Variants in USPL1 observed in about 807,000 individuals in gnomAD.
USPL1 encodes ubiquitin specific peptidase like 1.
USPL1 carries 27 observed loss-of-function variants against 51.5 expected under a neutral mutation model. That is an observed-to-expected ratio of 0.52 (90% CI 0.39 to 0.72). The LOEUF is 0.72. USPL1 is among the 30% of genes least tolerant of loss of function. USPL1 has a pLI of 0.00. For synonymous variants in USPL1, 451 were observed against 459.6 expected, an observed-to-expected ratio of 0.98 and a Z score of 0.24; for missense variants, 1,226 against 1,268.0, an observed-to-expected ratio of 0.97 and a Z score of 0.50.
chr13:30,633,541 C>T (rs780786696), intron 4 of USPL1, among the ~76,000 whole-genome samples: 1 of 151,882 alleles, frequency 6.6e-6, no homozygotes, highest in East Asian at 1.9e-4. Flanking sequence ...GAAGCTGAAG[C>T]GGGCAGATCT....
intron 1 of USPL1, among the ~76,000 whole-genome samples, chr13:30,619,642 T>C (rs1950622860): frequency 6.6e-6 from 1 of 152,198 alleles, no homozygotes; most frequent in African/African-American, 2.4e-5. Context: ...TGTCAGGTGC[T>C]AAACTTTTTA....
Position 30,658,478 on chromosome 13 carries a change from A to G in USPL1, c.2401A>G (p.Thr801Ala). 1 of 1,613,886 alleles carries G rather than the reference A, an allele frequency of 6.2e-7. No individual in the cohort carries two copies. The highest frequency in any genetic ancestry group is 8.5e-7 in the Non-Finnish European group (1 of 1,180,042). The change falls in exon 9 of 9, where the codon ACT (threonine) becomes GCT (alanine). Residue 801 changes from threonine (T) to alanine (A), a missense_variant. By Grantham distance (58) the Thr-to-Ala change is moderately conservative. Transcript: ENST00000255304. ...KGVNNFGGFK[T>A]KGINQKASHV... ...GGTAAATAATTTTGGTGGCTTTAAAACTAAAGGTATAAACCAGAAGGCCAG... is the reference window on the plus strand; with the variant it reads ...GGTAAATAATTTTGGTGGCTTTAAAGCTAAAGGTATAAACCAGAAGGCCAG...
In USPL1 at chr13:30,653,240, A is replaced by C; in HGVS notation, c.1331A>C (p.Gln444Pro). 1 of 1,612,780 alleles carries C rather than the reference A, an allele frequency of 6.2e-7. No individual in the cohort carries two copies. The highest frequency in any genetic ancestry group is 8.5e-7 in the Non-Finnish European group (1 of 1,179,124). Reference sequence around the variant, plus strand: ...TTTCATTTTGAAGGCTGTCTTTATCAGATAACTTCTGTAATTCAGTATCGA... The same window carrying C: ...TTTCATTTTGAAGGCTGTCTTTATCCGATAACTTCTGTAATTCAGTATCGA... ...YAFHFEGCLY[Q>P]ITSVIQYRAN... The change falls in exon 8 of 9, where the codon CAG becomes CCG. Residue 444 changes from glutamine to proline, a missense_variant. Coordinates refer to ENST00000255304, the MANE Select transcript of USPL1 (RefSeq NM_005800.5).
At chr13:30,635,828 T>C (rs1257794065) in intron 4 of USPL1, among the ~76,000 whole-genome samples, 1 of 152,224 alleles carries the variant, frequency 6.6e-6, no homozygotes, top group African/African-American at 2.4e-5. Context: ...AATATCCATA[T>C]ATCTTTTGAA....
chr13:30,622,122 C>A lies in USPL1; in HGVS notation c.228+230C>A, dbSNP rs139904487. Among the ~76,000 whole-genome samples, 674 of 152,090 alleles carry A rather than the reference C, an allele frequency of 4.4e-3. 3 individuals carry two copies. Among genetic ancestry groups the A allele is most frequent in the Non-Finnish European group, 7.5e-3 (510 of 67,954 alleles). On this transcript the variant is annotated intron_variant, in intron 3 of 8. Transcript: ENST00000255304. The stretch of plus-strand genomic sequence containing the variant: ...ATTTGATTTGCGAGAGGAGAAAATA[C>A]ATTTCAAGGTTTTTTTCTTTTTTTT...
chr13:30,644,047 G>A (rs1211535812), intron 6 of USPL1, among the ~76,000 whole-genome samples: 1 of 152,026 alleles, frequency 6.6e-6, no homozygotes, highest in Admixed American at 6.5e-5. Flanking sequence ...CACTTTGGTA[G>A]GCCGAGGCGG....
chr13:30,639,943 G>A lies in USPL1; in HGVS notation c.982+2086G>A, dbSNP rs1950925001. On this transcript the variant is annotated intron_variant, in intron 5 of 8. Coordinates refer to ENST00000255304, the MANE Select transcript of USPL1 (RefSeq NM_005800.5). ...ATCTTTTGCTCCACCTCCGCCATGG[G>A]CCTGGTTTTCTATGTAACAGAAGGA... is the stretch of plus-strand genomic sequence containing the variant. 2.0e-5 allele frequency among the ~76,000 whole-genome samples: 3 copies of A among 152,090 alleles called. No homozygotes were observed. In the South Asian group the frequency reaches 6.2e-4, roughly 31 times the overall value.
intron 3 of USPL1, among the ~76,000 whole-genome samples, chr13:30,624,226 C>T (rs1294400781): frequency 1.3e-5 from 2 of 152,052 alleles, no homozygotes; most frequent in Non-Finnish European, 2.9e-5. Flanking sequence ...GGGGAAAAAG[C>T]CCCCACACAT....
chr13:30,638,218 A>G (rs1246325116), intron 5 of USPL1, among the ~76,000 whole-genome samples: 1 of 152,086 alleles, frequency 6.6e-6, no homozygotes, highest in Non-Finnish European at 1.5e-5. Context: ...GTAAATGCCA[A>G]TGCTGGGGCA....
Position 30,653,143 on chromosome 13 carries a change from C to T in USPL1, c.1239-5C>T, listed in dbSNP as rs1223532242. On this transcript the variant is annotated splice_polypyrimidine_tract_variant and splice_region_variant and intron_variant, in intron 7 of 8. Transcript: ENST00000255304. The stretch of plus-strand genomic sequence containing the variant: ...TTTAACTTCTCTTGCTTTTCTCTCC[C>T]ACAGAGTATCTCCCATATTCATGTT... 1.3e-6 allele frequency: 2 copies of T among 1,570,122 alleles called. No individual in the cohort carries two copies. The highest frequency in any genetic ancestry group is 2.3e-5 in the South Asian group (2 of 85,620).
intron 7 of USPL1, among the ~76,000 whole-genome samples, chr13:30,648,412 C>T (rs1402941409): frequency 1.3e-5 from 2 of 152,156 alleles, no homozygotes; most frequent in African/African-American, 4.8e-5. Context: ...CCTCTCTGGG[C>T]CTGCAGCATA....
rs140698797 is a variant in USPL1 at position 30,636,179 on chromosome 13, C to T, written c.869-1565C>T. Among the ~76,000 whole-genome samples the T allele has an allele frequency of 2.7e-4, 41 of 152,262 alleles. 1 individual carries two copies. The highest frequency in any genetic ancestry group is 9.4e-4 in the African/African-American group (39 of 41,558). On this transcript the variant is annotated intron_variant, in intron 4 of 8. Coordinates refer to ENST00000255304, the MANE Select transcript of USPL1 (RefSeq NM_005800.5). ...CTGCTTTCTCTAATTACAGAAACCC[C>T]AGTGTTAAGTAGGTGACAGTTCAGT...
At chr13:30,647,910 C>T (rs1375414200) in intron 7 of USPL1, among the ~76,000 whole-genome samples, 1 of 152,178 alleles carries the variant, frequency 6.6e-6, no homozygotes, top group South Asian at 2.1e-4. Context: ...CCCCTGTTCC[C>T]TCCTCCAGGT....
rs761688826 is a variant in USPL1 at position 30,621,148 on chromosome 13, A to T, written c.8A>T (p.Asp3Val). ...ATTAGCCAATGACTCGGAATGATGG[A>T]TTCTCCGAAGATTGGAAATGGTTTG... MMDSPKIGNGLPV... is the reference protein window; with the variant it reads MMVSPKIGNGLPV... Residue 3 changes from aspartate (D) to valine (V), a missense_variant, in exon 2 of 9, where the codon GAT becomes GTT. Physicochemically the swap from Asp to Val is radical, Grantham distance 152 (BLOSUM62 -3). Coordinates refer to ENST00000255304, the MANE Select transcript of USPL1 (RefSeq NM_005800.5). 3 of 1,605,364 alleles carry T rather than the reference A, an allele frequency of 1.9e-6. No homozygotes were observed. In the African/African-American group the frequency reaches 4.0e-5, roughly 22 times the overall value.
intron 7 of USPL1, among the ~76,000 whole-genome samples, chr13:30,649,799 T>A (rs1951064896): frequency 6.6e-6 from 1 of 152,222 alleles, no homozygotes; most frequent in Non-Finnish European, 1.5e-5. Context: ...TTTCTTTTCC[T>A]AAGGATAGAT....
Position 30,631,057 on chromosome 13 carries a change from T to G in USPL1, c.451T>G (p.Ser151Ala). Residue 151 changes from serine (S) to alanine (A), a missense_variant, in exon 4 of 9, where the codon TCA becomes GCA. Ser to Ala is a moderately conservative substitution (Grantham distance 99). Transcript: ENST00000255304. Reference protein sequence around the residue: ...HNGEVYDETSSNLPDSSGQQN... With the variant: ...HNGEVYDETSANLPDSSGQQN... Reference sequence around the variant, plus strand: ...TGGAGAAGTATATGACGAAACCTCGTCAAACTTACCTGATAGTAGTGGTCA... The same window carrying G: ...TGGAGAAGTATATGACGAAACCTCGGCAAACTTACCTGATAGTAGTGGTCA... 6.2e-7 allele frequency: 1 copy of G among 1,614,144 alleles called. No homozygotes were observed. Among genetic ancestry groups the G allele is most frequent in the Non-Finnish European group, 8.5e-7 (1 of 1,180,034 alleles).
At chr13:30,654,657 A>G (rs1355101690) in intron 8 of USPL1, among the ~76,000 whole-genome samples, 2 of 152,322 alleles carry the variant, frequency 1.3e-5, no homozygotes, top group East Asian at 1.9e-4. Context: ...CAGGTAGTAG[A>G]TAAGAGTGTA....
intron 7 of USPL1, 22 bp downstream of exon 7, chr13:30,647,079 A>G (rs368480444): frequency 3.3e-5 from 53 of 1,590,612 alleles, no homozygotes; most frequent in Non-Finnish European, 3.5e-5. Context: ...TTGTCTTATA[A>G]TTTTTAGTAC....
chr13:30,621,229 A>G lies in USPL1; in HGVS notation c.89A>G (p.Tyr30Cys), dbSNP rs1386199210. 6.3e-7 allele frequency: 1 copy of G among 1,586,742 alleles called. No homozygotes were observed. The highest frequency in any genetic ancestry group is 8.5e-7 in the Non-Finnish European group (1 of 1,170,368). ...IGISSLHMVGYLGKNFDSAKV... is the reference protein window; with the variant it reads ...IGISSLHMVGCLGKNFDSAKV... ...ATATCTTCACTCCACATGGTGGGGTATTTGGGAAAAGTTAGTGAACTTATT... is the reference window on the plus strand; with the variant it reads ...ATATCTTCACTCCACATGGTGGGGTGTTTGGGAAAAGTTAGTGAACTTATT... The change falls in exon 2 of 9, where the codon TAT becomes TGT. Residue 30 changes from tyrosine (Y) to cysteine (C), a missense_variant. Transcript: ENST00000255304.
Sources: allele counts gnomAD v4.1 joint callset (sites outside exome capture counted in the v4.1 genomes callset), GRCh38; gene constraint gnomAD v4.1.1; transcripts MANE v1.5; gene names NCBI Gene and HGNC (gene_info 2026-07-23, HGNC 2026-07-21).